Variants in RIMS1 observed in about 807,000 individuals in gnomAD.
RIMS1 encodes the protein regulating synaptic membrane exocytosis protein 1.
A neutral mutation model predicts 214.1 loss-of-function variants in RIMS1; 83 were observed. The observed-to-expected ratio is 0.39, with a 90% CI of 0.32 to 0.47. The LOEUF (loss-of-function observed/expected upper bound fraction) is 0.47. Ranked by LOEUF, RIMS1 falls within the 20% of genes least tolerant of loss-of-function variation. RIMS1 has a pLI of 0.99. For missense variants in RIMS1, 2,050 were observed against 2,161.8 expected (o/e 0.95, Z 1.03); for synonymous variants, 793 against 786.8 (o/e 1.01, Z -0.13).
At chr6:72,239,266 AG>A (rs1237932404) in intron 9 of RIMS1, among the ~76,000 whole-genome samples, 1 of 152,204 alleles carries the variant, frequency 6.6e-6, no homozygotes, top group African/African-American at 2.4e-5. Flanking sequence ...GAAGTTACTT[AG>A]GAAGTAAAAG....
chr6:72,040,988 C>T (rs925076489), intron 2 of RIMS1, among the ~76,000 whole-genome samples: 15 of 151,884 alleles, frequency 9.9e-5, no homozygotes. Flanking sequence ...TTTAAATTGT[C>T]CTGCTTACCT....
At chr6:72,312,051 C>A (rs2095538343) in intron 27 of RIMS1, among the ~76,000 whole-genome samples, 1 of 152,094 alleles carries the variant, frequency 6.6e-6, no homozygotes, top group Non-Finnish European at 1.5e-5. Flanking sequence ...AAACATGAGA[C>A]CTTTCTCTAG....
At chr6:72,126,128 A>C (rs972745135) in intron 4 of RIMS1, among the ~76,000 whole-genome samples, 4 of 151,550 alleles carry the variant, frequency 2.6e-5, no homozygotes, top group African/African-American at 9.7e-5. Flanking sequence ...GGAACTCCTC[A>C]GCCAACTGAT....
In RIMS1 at chr6:72,398,457, T is replaced by G. The variant is rs137961975; in HGVS notation, c.4720+107T>G. 1.1e-3 allele frequency: 729 copies of G among 652,610 alleles called. 6 individuals carry two copies. The African/African-American group carries it at 0.013, about 11-fold the overall frequency. 40.4% of individuals were successfully genotyped at this position (652,610 alleles called of 1,614,324 possible). On this transcript the variant is annotated intron_variant, in intron 32 of 33. Transcript: ENST00000521978. ...ATATGCTCTGTTTTGCATCATCTGA[T>G]TGATTAAAAAAGCAGTGTTTCTGTG...
chr6:72,121,035 A>G (rs1189941125), intron 4 of RIMS1, among the ~76,000 whole-genome samples: 2 of 151,810 alleles, frequency 1.3e-5, no homozygotes, highest in Non-Finnish European at 1.5e-5. Context: ...TACCAGTAGC[A>G]TGCTGTTTTG....
intron 12 of RIMS1, among the ~76,000 whole-genome samples, chr6:72,248,362 A>T (rs1038718581): frequency 6.6e-6 from 1 of 152,192 alleles, no homozygotes. Context: ...TTAATTGATG[A>T]ATGGTAACAT....
At chr6:72,272,738 A>G in intron 22 of RIMS1, among the ~76,000 whole-genome samples, 1 of 152,124 alleles carries the variant, frequency 6.6e-6, no homozygotes, top group East Asian at 1.9e-4. Context: ...CTTCACAGAA[A>G]AATACTAAGT....
At chr6:72,388,893 A>G (rs2098657577) in intron 29 of RIMS1, among the ~76,000 whole-genome samples, 1 of 152,130 alleles carries the variant, frequency 6.6e-6, no homozygotes, top group Non-Finnish European at 1.5e-5. Flanking sequence ...TTAATGTTGA[A>G]GTGCCTATCA....
chr6:72,206,095 C>T (rs1230552791), intron 6 of RIMS1, among the ~76,000 whole-genome samples: 1 of 151,970 alleles, frequency 6.6e-6, no homozygotes, highest in Non-Finnish European at 1.5e-5. Context: ...TAGTTATATT[C>T]TCTTGTATTT....
At chr6:71,901,636 G>T (rs1435082507) in intron 1 of RIMS1, among the ~76,000 whole-genome samples, 1 of 152,056 alleles carries the variant, frequency 6.6e-6, no homozygotes, top group Non-Finnish European at 1.5e-5. Flanking sequence ...GGACTGGCTG[G>T]AAAGGGGTAG....
intron 4 of RIMS1, among the ~76,000 whole-genome samples, chr6:72,111,650 A>G (rs531921452): frequency 3.3e-5 from 5 of 152,230 alleles, no homozygotes; most frequent in Non-Finnish European, 5.9e-5. Flanking sequence ...GATAAAGAGG[A>G]GAGTTTTACT....
chr6:71,992,410 CTTTCTTTCTT>C (rs1562050192), intron 2 of RIMS1, among the ~76,000 whole-genome samples: 32 of 68,012 alleles, frequency 4.7e-4, no homozygotes, highest in Non-Finnish European at 6.1e-4. Flanking sequence ...CTCTCTCTTT[CTTTCTTTCTT>C]TCTTTCTTTC....
chr6:72,385,260 T>G (rs2098568517), intron 29 of RIMS1, among the ~76,000 whole-genome samples: 1 of 152,170 alleles, frequency 6.6e-6, no homozygotes, highest in South Asian at 2.1e-4. Context: ...TAAAAGCATT[T>G]TCTAATATTG....
intron 30 of RIMS1, 136 bp downstream of exon 30, chr6:72,390,872 C>T (rs2098691390): frequency 1.0e-6 from 1 of 978,866 alleles, no homozygotes; most frequent in South Asian, 1.8e-5. Flanking sequence ...TTAAACCACC[C>T]TGATGGCTTA....
At chr6:72,148,219 A>AAAAAGG (rs1037616865) in intron 4 of RIMS1, among the ~76,000 whole-genome samples, 9 of 152,182 alleles carry the variant, frequency 5.9e-5, no homozygotes, top group African/African-American at 2.2e-4. Flanking sequence ...GATAAAGGAG[A>AAAAAGG]AAAAGGAAAA....
chr6:72,179,968 A>C (rs2048194719), intron 5 of RIMS1, 53 bp downstream of exon 5: 2 of 1,232,244 alleles, frequency 1.6e-6, no homozygotes, highest in Non-Finnish European at 2.2e-6. Context: ...TAGGAGAGCA[A>C]AGCCGTTTTC....
intron 2 of RIMS1, among the ~76,000 whole-genome samples, chr6:72,049,019 A>G (rs1823859134): frequency 6.6e-6 from 1 of 152,326 alleles, no homozygotes; most frequent in East Asian, 1.9e-4. Context: ...CTGCTGATGC[A>G]GAGGACTCAG....
chr6:71,900,228 A>AG (rs1773181576), intron 1 of RIMS1, among the ~76,000 whole-genome samples: 1 of 151,966 alleles, frequency 6.6e-6, no homozygotes, highest in Non-Finnish European at 1.5e-5. Flanking sequence ...CAGTGATGGA[A>AG]GGGGGAGTGG....
At chr6:72,319,541 G>T (rs2096028617) in intron 28 of RIMS1, among the ~76,000 whole-genome samples, 1 of 152,134 alleles carries the variant, frequency 6.6e-6, no homozygotes, top group Non-Finnish European at 1.5e-5. Flanking sequence ...CTACCAGCCT[G>T]CCCTTAAAGA....
Sources: allele counts gnomAD v4.1 joint callset (sites outside exome capture counted in the v4.1 genomes callset), GRCh38; gene constraint gnomAD v4.1.1; transcripts MANE v1.5; gene names NCBI Gene and HGNC (gene_info 2026-07-23, HGNC 2026-07-21).